AKT3: variants seen among roughly 807,000 people sequenced by gnomAD.
AKT3 encodes AKT serine/threonine kinase 3.
In AKT3, 15 loss-of-function variants were observed where a neutral mutation model predicts 65.3. The observed-to-expected ratio is 0.23, with a 90% confidence interval of 0.15 to 0.35. The LOEUF (loss-of-function observed/expected upper bound fraction) is 0.35. Ranked by LOEUF, AKT3 falls within the 10% of genes least tolerant of loss-of-function variation. The pLI is 1.00. For missense variants in AKT3, 243 were observed against 576.5 expected, an observed-to-expected ratio of 0.42 and a Z score of 5.92; for synonymous variants, 206 against 183.8, an observed-to-expected ratio of 1.12 and a Z score of -0.98.
intron 12 of AKT3, among the ~76,000 whole-genome samples, chr1:243,527,614 G>A (rs7541133): frequency 0.012 from 1,789 of 152,014 alleles, 23 homozygotes; most frequent in African/African-American, 0.041. Context: ...TCCCTACTTG[G>A]GTTTCTCTCT....
At chr1:243,634,995 T>C (rs1679874933) in intron 6 of AKT3, among the ~76,000 whole-genome samples, 1 of 151,872 alleles carries the variant, frequency 6.6e-6, no homozygotes, top group Non-Finnish European at 1.5e-5. Flanking sequence ...ATACACAAAA[T>C]ACTCTACCTA....
chr1:243,636,466 TTAA>T (rs199581545), intron 6 of AKT3, among the ~76,000 whole-genome samples: 2,328 of 152,142 alleles, frequency 0.015, 32 homozygotes, highest in Middle Eastern at 0.034. Flanking sequence ...ATCAGCTTAA[TTAA>T]TAATAAGTGC....
intron 5 of AKT3, among the ~76,000 whole-genome samples, chr1:243,639,187 A>C (rs770174534): frequency 9.9e-5 from 15 of 152,222 alleles, no homozygotes; most frequent in Non-Finnish European, 1.8e-4. Context: ...CTTTGAAAGA[A>C]ACAGATAACT....
At chr1:243,822,183 T>C (rs918915071) in intron 2 of AKT3, among the ~76,000 whole-genome samples, 5 of 152,130 alleles carry the variant, frequency 3.3e-5, no homozygotes, top group Admixed American at 6.5e-5. Context: ...GACTCCTGGG[T>C]AAATAATGAA....
At chr1:243,657,789 C>CAT (rs1338222911) in intron 4 of AKT3, among the ~76,000 whole-genome samples, 1 of 152,090 alleles carries the variant, frequency 6.6e-6, no homozygotes, top group Non-Finnish European at 1.5e-5. Flanking sequence ...GGCATAAAGA[C>CAT]ATATAGACTA....
intron 9 of AKT3, among the ~76,000 whole-genome samples, chr1:243,569,313 G>C (rs1674386775): frequency 1.3e-5 from 2 of 152,174 alleles, no homozygotes; most frequent in African/African-American, 4.8e-5. Context: ...TAGGTTGCCA[G>C]GCTATTTACA....
chr1:243,748,491 T>C (rs1275086851), intron 2 of AKT3, among the ~76,000 whole-genome samples: 3 of 152,180 alleles, frequency 2.0e-5, no homozygotes, highest in Non-Finnish European at 4.4e-5. Flanking sequence ...GCTTTATTAG[T>C]GCTTATAAAA....
chr1:243,762,199 G>T (rs1689535228), intron 2 of AKT3, among the ~76,000 whole-genome samples: 2 of 151,864 alleles, frequency 1.3e-5, no homozygotes, highest in Admixed American at 1.3e-4. Context: ...TCCTAGAGGG[G>T]AAAAATAATC....
At chr1:243,543,779 A>G (rs1003820264) in intron 12 of AKT3, among the ~76,000 whole-genome samples, 12 of 152,242 alleles carry the variant, frequency 7.9e-5, no homozygotes. Context: ...TGAAGGATTC[A>G]GTACTTAACA....
At position 243,802,929 on chromosome 1, in the gene AKT3, G is replaced by A. The variant is rs1031991209; in HGVS notation, c.46+40196C>T. 2.0e-5 allele frequency among the ~76,000 whole-genome samples: 3 copies of A among 152,214 alleles called. No homozygotes were observed. In the East Asian group the frequency reaches 5.8e-4, roughly 29 times the overall value. ...TTTCAGAAGCCAAGATGGGAGGATC[G>A]CTTGAGGCCAGGAGTTTAAGACCCA... is the stretch of plus-strand genomic sequence containing the variant. On this transcript the variant is annotated intron_variant, in intron 2 of 13. Coordinates refer to ENST00000673466, the MANE Select transcript of AKT3 (RefSeq NM_005465.7).
intron 2 of AKT3, among the ~76,000 whole-genome samples, chr1:243,808,587 C>G (rs1692907305): frequency 6.6e-6 from 1 of 152,140 alleles, no homozygotes; most frequent in Admixed American, 6.5e-5. Flanking sequence ...GAGAATGGAA[C>G]CAAGTTGGAA....
In AKT3 at chr1:243,649,313, ATGTGTGTGTGTGTGTGTGTG is replaced by A. The variant is rs55765060; in HGVS notation, c.285-3296_285-3277del. Among the ~76,000 whole-genome samples the A allele has an allele frequency of 8.6e-4, 126 of 146,026 alleles. 1 individual carries two copies. Among genetic ancestry groups the A allele is most frequent in the Middle Eastern group, 3.5e-3 (1 of 288 alleles). ...ATGACCAAGAATATGTTATGTGTAT[ATGTGTGTGTGTGTGTGTGTG>A]TGTGTGTGTGTGTGTGTGTGTGTGT... On this transcript the variant is annotated intron_variant, in intron 4 of 13. Transcript: ENST00000673466.
intron 2 of AKT3, among the ~76,000 whole-genome samples, chr1:243,728,388 G>A (rs1044269258): frequency 1.3e-5 from 2 of 152,146 alleles, no homozygotes; most frequent in African/African-American, 4.8e-5. Flanking sequence ...TCTGTGACAG[G>A]CAATAAACTC....
intron 12 of AKT3, among the ~76,000 whole-genome samples, chr1:243,537,589 C>T (rs1672018743): frequency 1.3e-5 from 2 of 152,150 alleles, no homozygotes; most frequent in Non-Finnish European, 2.9e-5. Context: ...CTGCAGTAGT[C>T]TCTTAATGAG....
At chr1:243,496,583 C>T (rs144707520), downstream of AKT3, among the ~76,000 whole-genome samples, 295 of 152,340 alleles carry the variant, frequency 1.9e-3, 1 homozygote, top group Middle Eastern at 0.01. Flanking sequence ...GAAGGGTTGG[C>T]TAGAGCCACC....
At chr1:243,526,542 C>T (rs1304132257) in intron 12 of AKT3, among the ~76,000 whole-genome samples, 1 of 152,012 alleles carries the variant, frequency 6.6e-6, no homozygotes, top group East Asian at 1.9e-4. Context: ...GGAAAGGTGG[C>T]TCAGTCTAGT....
At position 243,508,282 on chromosome 1, in the gene AKT3, G is replaced by C. The variant is rs770888858; in HGVS notation, c.1355-2948C>G. The stretch of plus-strand genomic sequence containing the variant: ...CCCGTTGCCCTAGAAGAACCCAGAA[G>C]CTGCAGTTAACCACCATCAAGGCTG... On this transcript the variant is annotated intron_variant, in intron 13 of 13. Transcript: ENST00000673466. Among the ~76,000 whole-genome samples, 3 of 152,324 alleles carry C rather than the reference G, an allele frequency of 2.0e-5. No homozygotes were observed. In the South Asian group the frequency reaches 6.2e-4, roughly 32 times the overall value.
At chr1:243,796,413 T>A (rs978810167) in intron 2 of AKT3, among the ~76,000 whole-genome samples, 1 of 152,236 alleles carries the variant, frequency 6.6e-6, no homozygotes, top group African/African-American at 2.4e-5. Context: ...CACACAGCAG[T>A]CTGGGTGATT....
chr1:243,801,594 A>G (rs776535053), intron 2 of AKT3, among the ~76,000 whole-genome samples: 1 of 152,196 alleles, frequency 6.6e-6, no homozygotes, highest in Non-Finnish European at 1.5e-5. Context: ...CAGGTGTGAG[A>G]ATTCTGAGGT....
Sources: gnomAD v4.1 joint callset for allele counts (sites outside exome capture counted in the v4.1 genomes callset) on GRCh38, gnomAD v4.1.1 for gene constraint, MANE v1.5 for transcripts, NCBI Gene and HGNC (gene_info 2026-07-23, HGNC 2026-07-21) for gene names.